The following GPR19 variants were observed in gnomAD, a reference collection of about 807,000 sequenced individuals.
GPR19 encodes the protein G protein-coupled receptor 19, also known as probable G protein-coupled receptor 19.
GPR19 carries 14 observed loss-of-function variants against 28.5 expected under a neutral mutation model. The ratio of observed to expected loss-of-function variants is 0.49; its 90% CI spans 0.32 to 0.77. The LOEUF (loss-of-function observed/expected upper bound fraction) is 0.77, where lower values mean the gene tolerates loss of function less well. GPR19 is among the 30% of genes least tolerant of loss of function. The pLI is 0.03. For synonymous variants in GPR19, 173 were observed against 184.1 expected, an observed-to-expected ratio of 0.94 and a Z score of 0.49; for missense variants, 409 against 504.1, an observed-to-expected ratio of 0.81 and a Z score of 1.81.
chr12:12,710,986 A>G, the GPR19 span, among the ~76,000 whole-genome samples: 1 of 152,110 alleles, frequency 6.6e-6, no homozygotes. Flanking sequence ...TTCCATATGC[A>G]TTAGTTAGGA....
chr12:12,662,902 A>G (rs1415051944), intron 3 of GPR19, among the ~76,000 whole-genome samples: 1 of 152,254 alleles, frequency 6.6e-6, no homozygotes, highest in Non-Finnish European at 1.5e-5. Flanking sequence ...GCAAAAGAGG[A>G]AAGCTTGGGC....
At chr12:12,677,005 T>C (rs936897015) in intron 3 of GPR19, among the ~76,000 whole-genome samples, 5 of 152,184 alleles carry the variant, frequency 3.3e-5, no homozygotes, top group Non-Finnish European at 5.9e-5. Flanking sequence ...TTACAGCTAT[T>C]TGAAAAGGAG....
At chr12:12,663,565 TCA>T (rs1019064852) in intron 3 of GPR19, among the ~76,000 whole-genome samples, 2 of 152,180 alleles carry the variant, frequency 1.3e-5, no homozygotes, top group African/African-American at 4.8e-5. Flanking sequence ...AGAAAAAAAG[TCA>T]CACTGTTTAA....
chr12:12,697,375 CAA>C (rs3214421), upstream of GPR19, among the ~76,000 whole-genome samples: 1,956 of 150,998 alleles, frequency 0.013, 31 homozygotes, highest in African/African-American at 0.046. Context: ...CGTTTGAAAA[CAA>C]AAAAAAAGGC....
intron 3 of GPR19, among the ~76,000 whole-genome samples, chr12:12,681,080 G>A (rs1946012079): frequency 6.6e-6 from 1 of 152,104 alleles, no homozygotes; most frequent in South Asian, 2.1e-4. Context: ...TTACAGGCGT[G>A]AGTTATGGCA....
At chr12:12,676,431 C>T (rs1245478349) in intron 3 of GPR19, among the ~76,000 whole-genome samples, 1 of 151,718 alleles carries the variant, frequency 6.6e-6, no homozygotes, top group East Asian at 1.9e-4. Flanking sequence ...AGAGCTCATC[C>T]TGAGAGTGCA....
chr12:12,674,270 C>A, intron 3 of GPR19, among the ~76,000 whole-genome samples: 2 of 79,104 alleles, frequency 2.5e-5, no homozygotes, highest in South Asian at 4.8e-4. Context: ...GACCCTATCT[C>A]TACCAAAAAA....
At chr12:12,680,135 A>T (rs905915991) in intron 3 of GPR19, among the ~76,000 whole-genome samples, 3 of 152,240 alleles carry the variant, frequency 2.0e-5, no homozygotes, top group Non-Finnish European at 4.4e-5. Context: ...AATTTTCTAG[A>T]ATGATATTTG....
At chr12:12,716,628 T>A in the GPR19 span, 1 of 335,696 alleles carries the variant, frequency 3.0e-6, no homozygotes, top group Non-Finnish European at 4.2e-6. Flanking sequence ...TTTTTTTTAA[T>A]CTTGAGTTCC....
chr12:12,704,632 T>G, the GPR19 span, among the ~76,000 whole-genome samples: 1 of 152,202 alleles, frequency 6.6e-6, no homozygotes. Context: ...TCAATTAAAT[T>G]TGGTGGGGAT....
chr12:12,706,680 GT>G, the GPR19 span, among the ~76,000 whole-genome samples: 2 of 152,240 alleles, frequency 1.3e-5, no homozygotes, highest in East Asian at 3.9e-4. Flanking sequence ...CCTTTCTTCA[GT>G]TGCTTGGAGT....
chr12:12,684,058 T>G (rs1184759280), intron 3 of GPR19: 1 of 152,186 alleles, frequency 6.6e-6, no homozygotes, highest in Admixed American at 6.5e-5. Context: ...TTCGGTAATT[T>G]TTTCCCCTCT....
intron 2 of GPR19, among the ~76,000 whole-genome samples, chr12:12,685,557 A>G (rs1422347117): frequency 2.0e-5 from 3 of 152,164 alleles, no homozygotes; most frequent in African/African-American, 7.2e-5. Context: ...ACCGGTCGCC[A>G]TGGGAGCCTG....
chr12:12,666,988 G>GA (rs1327644988), intron 3 of GPR19, among the ~76,000 whole-genome samples: 1 of 152,126 alleles, frequency 6.6e-6, no homozygotes, highest in African/African-American at 2.4e-5. Context: ...TTTCCTCCCA[G>GA]AAAAAAGTCT....
At chr12:12,716,851 G>GC in the GPR19 span, 29 of 983,646 alleles carry the variant, frequency 2.9e-5, 1 homozygote, top group South Asian at 8.5e-4. Context: ...GGGGCGCCCA[G>GC]CCCCCCCAGC....
chr12:12,674,032 C>T (rs558768008), intron 3 of GPR19, among the ~76,000 whole-genome samples: 4 of 151,750 alleles, frequency 2.6e-5, no homozygotes, highest in South Asian at 2.1e-4. Context: ...GCCAACATGG[C>T]AAAATCCTGT....
At chr12:12,680,042 T>C (rs1272417984) in intron 3 of GPR19, among the ~76,000 whole-genome samples, 1 of 152,212 alleles carries the variant, frequency 6.6e-6, no homozygotes, top group East Asian at 1.9e-4. Flanking sequence ...TACACCAACA[T>C]TTTAACAGTG....
intron 2 of GPR19, among the ~76,000 whole-genome samples, chr12:12,694,188 CTTTTTTTTTTTT>C (rs147543699): frequency 2.3e-5 from 1 of 43,810 alleles, no homozygotes; most frequent in Admixed American, 4.0e-4. Context: ...GAGTACCTGT[CTTTTTTTTTTTT>C]TTTTTTTTTT....
At chr12:12,704,328 C>G in the GPR19 span, among the ~76,000 whole-genome samples, 7 of 152,084 alleles carry the variant, frequency 4.6e-5, no homozygotes, top group African/African-American at 1.4e-4. Context: ...ATTGTGAAAC[C>G]CTGCCTCTAC....
Sources: allele counts gnomAD v4.1 joint callset (sites outside exome capture counted in the v4.1 genomes callset), GRCh38; gene constraint gnomAD v4.1.1; transcripts MANE v1.5; gene names NCBI Gene and HGNC (gene_info 2026-07-23, HGNC 2026-07-21).